The following EXOC4 variants were observed in gnomAD, a reference collection of about 807,000 sequenced individuals.
EXOC4 encodes the protein SEC8-like 1.
In EXOC4, 71 loss-of-function variants were observed where a neutral mutation model predicts 107.2. That is an observed-to-expected ratio of 0.66 (90% confidence interval 0.55 to 0.81). The LOEUF (loss-of-function observed/expected upper bound fraction) is 0.81, where lower values mean the gene tolerates loss of function less well. Among genes scored for constraint, EXOC4 ranks in the 30% least tolerant of loss-of-function variants. EXOC4 has a pLI of 0.00. For missense variants in EXOC4, 1,108 were observed against 1,189.6 expected, an observed-to-expected ratio of 0.93 and a Z score of 1.01; for synonymous variants, 456 against 441.2, an observed-to-expected ratio of 1.03 and a Z score of -0.42.
chr7:133,323,568 A>C (rs1282040801), intron 5 of EXOC4, among the ~76,000 whole-genome samples: 1 of 152,120 alleles, frequency 6.6e-6, no homozygotes, highest in Admixed American at 6.5e-5. Context: ...AGCCCACTTG[A>C]TCATGGTGGA....
intron 7 of EXOC4, among the ~76,000 whole-genome samples, chr7:133,434,579 G>A (rs1797925857): frequency 6.6e-6 from 1 of 152,120 alleles, no homozygotes; most frequent in African/African-American, 2.4e-5. Context: ...AGTTTGTGGT[G>A]GGGGTGGACT....
intron 17 of EXOC4, among the ~76,000 whole-genome samples, chr7:134,032,546 G>A (rs115380474): frequency 0.012 from 1,786 of 152,308 alleles, 26 homozygotes; most frequent in African/African-American, 0.04. Context: ...TCACAGCAGT[G>A]AAGCCAACAG....
rs1315717779 is a variant in EXOC4, at chr7:134,065,255, G to A, written c.*727G>A. The A allele has an allele frequency of 6.6e-6, 1 of 152,238 alleles. No individual in the cohort carries two copies. Among genetic ancestry groups the A allele is most frequent in the Non-Finnish European group, 1.5e-5 (1 of 68,046 alleles). The allele number at this position is 152,238 out of a possible 1,614,324, so 9.4% of individuals were successfully genotyped here. On this transcript the variant is annotated 3_prime_UTR_variant, in exon 18 of 18. Transcript: ENST00000253861. Reference sequence around the variant, plus strand: ...GACAATTAGACAACTATGGAGGAATGAAAGGCAATTCAAACATCTGCTTGA... The same window carrying A: ...GACAATTAGACAACTATGGAGGAATAAAAGGCAATTCAAACATCTGCTTGA...
chr7:133,575,321 A>T (rs1468808009), intron 9 of EXOC4, among the ~76,000 whole-genome samples: 1 of 152,176 alleles, frequency 6.6e-6, no homozygotes, highest in Non-Finnish European at 1.5e-5. Flanking sequence ...GATAGTGGTG[A>T]TAAGATTTTA....
intron 9 of EXOC4, among the ~76,000 whole-genome samples, chr7:133,481,406 T>C (rs1799153993): frequency 6.6e-6 from 1 of 152,186 alleles, no homozygotes; most frequent in African/African-American, 2.4e-5. Flanking sequence ...CTTGATGCGT[T>C]GGGCTCACGT....
chr7:133,387,747 G>A (rs1308145331), intron 7 of EXOC4, among the ~76,000 whole-genome samples: 2 of 152,206 alleles, frequency 1.3e-5, no homozygotes, highest in East Asian at 3.9e-4. Flanking sequence ...CTTGCTGGGA[G>A]CTAAGACAAA....
intron 9 of EXOC4, among the ~76,000 whole-genome samples, chr7:133,557,613 A>T (rs1012541689): frequency 6.6e-6 from 1 of 152,234 alleles, no homozygotes; most frequent in African/African-American, 2.4e-5. Flanking sequence ...TAAAACATAA[A>T]TGATTTTTAT....
At chr7:133,550,943 C>T (rs1021591026) in intron 9 of EXOC4, among the ~76,000 whole-genome samples, 29 of 151,812 alleles carry the variant, frequency 1.9e-4, no homozygotes, top group Non-Finnish European at 1.5e-4. Flanking sequence ...AGTTCTTACA[C>T]GAAGAGTTGT....
intron 9 of EXOC4, among the ~76,000 whole-genome samples, chr7:133,523,634 T>C (rs1202684973): frequency 6.8e-6 from 1 of 147,294 alleles, no homozygotes; most frequent in East Asian, 2.1e-4. Context: ...GATGTTCCCC[T>C]TCCTGTGTAC....
intron 7 of EXOC4, among the ~76,000 whole-genome samples, chr7:133,386,720 G>A (rs1796735654): frequency 6.6e-6 from 1 of 152,164 alleles, no homozygotes; most frequent in African/African-American, 2.4e-5. Context: ...ACCTTCTGTG[G>A]TAAAAGGTGA....
At chr7:133,494,202 T>C (rs1487259566) in intron 9 of EXOC4, among the ~76,000 whole-genome samples, 1 of 152,170 alleles carries the variant, frequency 6.6e-6, no homozygotes, top group Non-Finnish European at 1.5e-5. Context: ...TTCAAGTCTA[T>C]CTACAGATTG....
intron 10 of EXOC4, among the ~76,000 whole-genome samples, chr7:133,645,094 T>C (rs1237251219): frequency 6.7e-6 from 1 of 149,184 alleles, no homozygotes; most frequent in Admixed American, 6.7e-5. Context: ...ACCTTTTTTT[T>C]TTTTTTTTTT....
intron 17 of EXOC4, among the ~76,000 whole-genome samples, chr7:134,013,417 C>T (rs555636310): frequency 6.6e-6 from 1 of 152,196 alleles, no homozygotes. Flanking sequence ...AAAACTATCA[C>T]AGCCAACAGG....
chr7:133,855,114 A>AATATATATAAATATATATAAAT (rs1563028522), intron 11 of EXOC4, among the ~76,000 whole-genome samples: 10 of 91,482 alleles, frequency 1.1e-4, no homozygotes, highest in East Asian at 5.4e-4. Flanking sequence ...AATATATATA[A>AATATATATAAATATATATAAAT]ATATATATAT....
intron 7 of EXOC4, among the ~76,000 whole-genome samples, chr7:133,473,867 A>AT (rs201271421): frequency 0.073 from 11,130 of 151,812 alleles, 1,384 homozygotes; most frequent in African/African-American, 0.25. Context: ...TGCCCGGCTA[A>AT]TTTTTTGTAT....
chr7:133,569,497 A>G (rs1800974617), intron 9 of EXOC4, among the ~76,000 whole-genome samples: 1 of 152,228 alleles, frequency 6.6e-6, no homozygotes, highest in African/African-American at 2.4e-5. Flanking sequence ...AACTAGAAAG[A>G]TATGAAAGTC....
chr7:133,314,857 T>C (rs548371033), intron 4 of EXOC4, among the ~76,000 whole-genome samples: 29 of 152,352 alleles, frequency 1.9e-4, no homozygotes, highest in Non-Finnish European at 3.2e-4. Context: ...CAATGTATTA[T>C]ATTTTTCCTG....
intron 17 of EXOC4, among the ~76,000 whole-genome samples, chr7:134,031,998 G>T (rs1040197651): frequency 6.6e-6 from 1 of 152,144 alleles, no homozygotes; most frequent in South Asian, 2.1e-4. Flanking sequence ...GCCACCTGAT[G>T]ACAACAAAGA....
intron 10 of EXOC4, among the ~76,000 whole-genome samples, chr7:133,718,475 A>G (rs897781672): frequency 6.6e-6 from 1 of 152,104 alleles, no homozygotes; most frequent in African/African-American, 2.4e-5. Context: ...TTGGGAGGAA[A>G]GTGTTCACCT....
Sources: allele counts gnomAD v4.1 joint callset (sites outside exome capture counted in the v4.1 genomes callset), GRCh38; gene constraint gnomAD v4.1.1; transcripts MANE v1.5; gene names NCBI Gene and HGNC (gene_info 2026-07-23, HGNC 2026-07-21).